The following MEIS3 variants were observed in gnomAD, a reference collection of about 807,000 sequenced individuals.
MEIS3 encodes Meis homeobox 3.
A neutral mutation model predicts 51.4 loss-of-function variants in MEIS3; 38 were observed. The ratio of observed to expected loss-of-function variants is 0.74; its 90% confidence interval spans 0.57 to 0.97. The LOEUF is 0.97. MEIS3 is among the 50% of genes least tolerant of loss of function. The pLI is 0.00. For missense variants in MEIS3, 456 were observed against 502.6 expected (o/e 0.91, Z 0.89); for synonymous variants, 198 against 201.8 (o/e 0.98, Z 0.16).
intron 1 of MEIS3, 154 bp from the exon 2 acceptor site, chr19:47,417,504 T>C: frequency 1.1e-6 from 1 of 940,394 alleles, no homozygotes; most frequent in Non-Finnish European, 1.7e-6. Flanking sequence ...CCCCCAAGCT[T>C]GAAGCCCTCC....
rs1195562493 is a variant in MEIS3, at chr19:47,406,897, G to GGGAC, written c.1068_1069insGTCC (p.Arg357ValfsTer65). ...AGGGGGCGAGGCTTACCCGGAGGCC[G>GGGAC]GACGGCCACGTGTGGCTGCGTCTCG... is the stretch of plus-strand genomic sequence containing the variant. On this transcript the variant is annotated frameshift_variant, in exon 11 of 13. Transcript: ENST00000558555. LOFTEE classifies it high-confidence loss of function. 2 of 1,572,116 alleles carry GGGAC rather than the reference G, an allele frequency of 1.3e-6. No homozygotes were observed. Among genetic ancestry groups the GGGAC allele is most frequent in the East Asian group, 4.6e-5 (2 of 43,076 alleles).
chr19:47,413,693 G>A (rs965852246), intron 6 of MEIS3, among the ~76,000 whole-genome samples: 28 of 151,942 alleles, frequency 1.8e-4, no homozygotes, highest in Admixed American at 1.5e-3. Flanking sequence ...CGTCTGAGAT[G>A]GTGCCACCTT....
chr19:47,417,919 C>T (rs1971538335), intron 1 of MEIS3: 1 of 579,804 alleles, frequency 1.7e-6, no homozygotes, highest in African/African-American at 1.9e-5. Flanking sequence ...CCAAATCCCC[C>T]CCCCCACACA....
chr19:47,417,656 C>CAG, intron 1 of MEIS3: 1 of 702,694 alleles, frequency 1.4e-6, no homozygotes, highest in Non-Finnish European at 2.6e-6. Flanking sequence ...CGTGAGAAGA[C>CAG]AGTGACAGAG....
chr19:47,416,576 C>G (rs1015718316), intron 4 of MEIS3, 76 bp downstream of exon 4: 10 of 1,264,156 alleles, frequency 7.9e-6, no homozygotes, highest in African/African-American at 1.5e-5. Flanking sequence ...GCACCCCCCC[C>G]ACCAACCCCA....
At chr19:47,422,038 T>C (rs1226890586), upstream of MEIS3, among the ~76,000 whole-genome samples, 1 of 151,728 alleles carries the variant, frequency 6.6e-6, no homozygotes, top group Admixed American at 6.6e-5. Flanking sequence ...GAAACATTTA[T>C]CTTGGTGGGG....
chr19:47,412,735 GT>G (rs545332157), intron 6 of MEIS3, among the ~76,000 whole-genome samples: 3 of 151,626 alleles, frequency 2.0e-5, no homozygotes, highest in African/African-American at 4.9e-5. Context: ...CTAATTTTTT[GT>G]TTTTTTTATG....
At chr19:47,412,712 C>T (rs1399778652) in intron 6 of MEIS3, among the ~76,000 whole-genome samples, 10 of 152,144 alleles carry the variant, frequency 6.6e-5, no homozygotes, top group Admixed American at 5.9e-4. Flanking sequence ...GAGGTGCGTG[C>T]CACCACGCCT....
intron 12 of MEIS3, among the ~76,000 whole-genome samples, chr19:47,405,575 T>C (rs2122460108): frequency 6.6e-6 from 1 of 151,848 alleles, no homozygotes; most frequent in Non-Finnish European, 1.5e-5. Context: ...TTTTTTTTTT[T>C]TTTTTTTTAG....
At position 47,417,300 on chromosome 19, in the gene MEIS3, C is replaced by T. The variant is rs1240549186; in HGVS notation, c.63G>A (p.Leu21=). 5 of 1,613,754 alleles carry T rather than the reference C, an allele frequency of 3.1e-6. No individual in the cohort carries two copies. The South Asian group carries it at 3.3e-5, about 11-fold the overall frequency. The change falls in exon 2 of 13, where the codon CTG becomes CTA. Residue 21 remains leucine, a synonymous_variant. Coordinates refer to ENST00000558555, the MANE Select transcript of MEIS3 (RefSeq NM_001301059.2). ...YPGIVDGPAA[L]ASFPETVPAV... The stretch of plus-strand genomic sequence containing the variant: ...CGGGCACTGTCTCTGGGAAGCTAGC[C>T]AGGGCTGCGGGGCCATCCACGATGC...
At chr19:47,408,486 T>C (rs564900424) in intron 8 of MEIS3, among the ~76,000 whole-genome samples, 1 of 152,152 alleles carries the variant, frequency 6.6e-6, no homozygotes, top group Admixed American at 6.5e-5. Context: ...GTGTGTGTGT[T>C]TCTGTCTGTA....
intron 12 of MEIS3, 106 bp downstream of exon 12, chr19:47,406,354 C>T: frequency 1.2e-6 from 1 of 861,374 alleles, no homozygotes; most frequent in Non-Finnish European, 1.9e-6. Flanking sequence ...ACCCACAGTA[C>T]AGGGACCCAG....
At chr19:47,408,367 C>T (rs1438846243) in intron 8 of MEIS3, among the ~76,000 whole-genome samples, 2 of 152,120 alleles carry the variant, frequency 1.3e-5, no homozygotes, top group Non-Finnish European at 2.9e-5. Context: ...AGTGATCCTC[C>T]TGCCATGGCC....
upstream of MEIS3, among the ~76,000 whole-genome samples, chr19:47,421,070 G>C (rs1186059162): frequency 6.6e-6 from 1 of 151,846 alleles, no homozygotes; most frequent in African/African-American, 2.4e-5. Context: ...GGGGGTGCCT[G>C]TGTCACTGCG....
At position 47,407,412 on chromosome 19, in the gene MEIS3, T is replaced by A. The variant is rs761363409; in HGVS notation, c.875A>T (p.Glu292Val). The stretch of plus-strand genomic sequence containing the variant: ...CTGCGCCAGCTGTTTCTTCTGCTCC[T>A]CCGAGGGGTACGGGTGCTGCAGCCA... ...FQHLSHPYPS[E>V]EQKKQLAQDT... The change falls in exon 9 of 13, where the codon GAG (glutamate) becomes GTG (valine). Residue 292 changes from glutamate (E) to valine (V), a missense_variant. Coordinates refer to ENST00000558555, the MANE Select transcript of MEIS3 (RefSeq NM_001301059.2). 1.9e-6 allele frequency: 3 copies of A among 1,613,770 alleles called. No individual in the cohort carries two copies. In the South Asian group the frequency reaches 3.3e-5, roughly 18 times the overall value.
At position 47,415,068 on chromosome 19, in the gene MEIS3, G is replaced by C; in HGVS notation, c.430C>G (p.Leu144Val). The C allele has an allele frequency of 1.3e-6, 2 of 1,565,510 alleles. No homozygotes were observed. The highest frequency in any genetic ancestry group is 2.4e-5 in the South Asian group (2 of 85,076). ...GCGCTCACCTTCTCCAGCTCCAGCA[G>C]GTGGAACCGCAGCACCTGGATGGCC... ...IQAIQVLRFH[L>V]LELEKVHDLC... Residue 144 changes from leucine (L) to valine (V), a missense_variant, in exon 5 of 13, where the codon CTG becomes GTG. Physicochemically the swap from Leu to Val is conservative, Grantham distance 32. Transcript: ENST00000558555.
chr19:47,412,770 A>G (rs961214048), intron 6 of MEIS3, among the ~76,000 whole-genome samples: 2 of 151,802 alleles, frequency 1.3e-5, no homozygotes, highest in African/African-American at 4.8e-5. Context: ...GGGTTTCACC[A>G]TGTTGGCCTG....
Position 47,403,480 on chromosome 19 carries a change from G to C in MEIS3, c.*91C>G, listed in dbSNP as rs1414857522. On this transcript the variant is annotated 3_prime_UTR_variant, in exon 13 of 13. Coordinates refer to ENST00000558555, the MANE Select transcript of MEIS3 (RefSeq NM_001301059.2). ...TTGAGCAGAGGGGCCTTTGGAGGTG[G>C]GGTCCTGAAGCTGGAGGACCAGGCG... is the stretch of plus-strand genomic sequence containing the variant. The C allele has an allele frequency of 6.6e-6, 3 of 456,062 alleles. No individual in the cohort carries two copies. The highest frequency in any genetic ancestry group is 4.7e-5 in the Admixed American group (2 of 42,552). The allele number at this position is 456,062 out of a possible 1,614,324, so 28.3% of individuals were successfully genotyped here.
At chr19:47,403,978 G>T (rs943213061) in intron 12 of MEIS3, among the ~76,000 whole-genome samples, 1 of 152,090 alleles carries the variant, frequency 6.6e-6, no homozygotes, top group Non-Finnish European at 1.5e-5. Flanking sequence ...GAGGCAGGGG[G>T]ATCGCTTGAG....
Sources: allele counts gnomAD v4.1 joint callset (sites outside exome capture counted in the v4.1 genomes callset), GRCh38; gene constraint gnomAD v4.1.1; transcripts MANE v1.5; gene names NCBI Gene and HGNC (gene_info 2026-07-23, HGNC 2026-07-21).